CERS6: variants seen among roughly 807,000 people sequenced by gnomAD.
The protein encoded by CERS6 is ceramide synthase 6.
Under a neutral mutation model 56.8 loss-of-function variants are expected in CERS6, and 26 were observed. That is an observed-to-expected ratio of 0.46 (90% CI 0.34 to 0.63). CERS6 has a LOEUF of 0.63. Among genes scored for constraint, CERS6 ranks in the 30% least tolerant of loss-of-function variants. The pLI is 0.01. For missense variants in CERS6, 415 were observed against 467.5 expected, an observed-to-expected ratio of 0.89 and a Z score of 1.04; for synonymous variants, 164 against 173.3, an observed-to-expected ratio of 0.95 and a Z score of 0.42.
At chr2:168,631,544 T>TA (rs1559028139) in intron 4 of CERS6, among the ~76,000 whole-genome samples, 4,925 of 59,684 alleles carry the variant, frequency 0.083, 1,579 homozygotes, top group Admixed American at 0.17. Flanking sequence ...ATTAAATATA[T>TA]TATATTTTTA....
chr2:168,747,259 C>G (rs887602969), intron 8 of CERS6, among the ~76,000 whole-genome samples: 1 of 151,598 alleles, frequency 6.6e-6, no homozygotes, highest in Admixed American at 6.6e-5. Flanking sequence ...GCACTCCATC[C>G]TGGGCAATGG....
intron 6 of CERS6, among the ~76,000 whole-genome samples, chr2:168,712,131 A>G (rs780069536): frequency 1.1e-4 from 17 of 152,220 alleles, no homozygotes; most frequent in Non-Finnish European, 2.5e-4. Flanking sequence ...AGGGTTACAG[A>G]GGAAAAGTAC....
intron 1 of CERS6, among the ~76,000 whole-genome samples, chr2:168,465,507 G>C (rs553235353): frequency 6.6e-6 from 1 of 152,198 alleles, no homozygotes; most frequent in South Asian, 2.1e-4. Context: ...GTGAATTTTG[G>C]GGGGACACAA....
intron 1 of CERS6, among the ~76,000 whole-genome samples, chr2:168,524,742 C>T (rs868358493): frequency 1.3e-5 from 2 of 151,818 alleles, no homozygotes; most frequent in African/African-American, 2.4e-5. Context: ...TTAGTAAATA[C>T]GGGGTTTTAT....
In CERS6 at chr2:168,773,716, G is replaced by T. The variant is rs1010405609; in HGVS notation, c.*4054G>T. The T allele has an allele frequency of 6.6e-6, 1 of 152,256 alleles. No individual in the cohort carries two copies. Among genetic ancestry groups the T allele is most frequent in the Non-Finnish European group, 1.5e-5 (1 of 68,052 alleles). The allele number at this position is 152,256 out of a possible 1,614,324, so 9.4% of individuals were successfully genotyped here. ...GAAGATATTGCAGTCCCCAGAGCCA[G>T]TGAAGGTTTCTTTTGGTAAAATGAA... On this transcript the variant is annotated 3_prime_UTR_variant, in exon 10 of 10. Coordinates refer to ENST00000305747, the MANE Select transcript of CERS6 (RefSeq NM_203463.3).
chr2:168,748,270 A>G (rs1684167211), intron 8 of CERS6, among the ~76,000 whole-genome samples: 1 of 152,188 alleles, frequency 6.6e-6, no homozygotes, highest in Non-Finnish European at 1.5e-5. Context: ...TAACCATTTT[A>G]TTTATGATCA....
intron 1 of CERS6, among the ~76,000 whole-genome samples, chr2:168,485,540 C>CT (rs1327248544): frequency 1.3e-5 from 2 of 152,084 alleles, no homozygotes; most frequent in South Asian, 2.1e-4. Context: ...AACTACTGAT[C>CT]TTTTTACCAT....
chr2:168,545,472 C>T (rs1695449052), intron 1 of CERS6, among the ~76,000 whole-genome samples: 1 of 151,342 alleles, frequency 6.6e-6, no homozygotes, highest in East Asian at 1.9e-4. Flanking sequence ...GAGATGTATA[C>T]ATTATGTTGT....
chr2:168,623,126 C>G (rs942829632), intron 3 of CERS6, among the ~76,000 whole-genome samples: 3 of 152,146 alleles, frequency 2.0e-5, no homozygotes, highest in Non-Finnish European at 4.4e-5. Flanking sequence ...AATCATGTGA[C>G]AACTTTTTAA....
intron 1 of CERS6, among the ~76,000 whole-genome samples, chr2:168,533,450 T>C (rs1057395891): frequency 6.6e-6 from 1 of 152,258 alleles, no homozygotes; most frequent in African/African-American, 2.4e-5. Flanking sequence ...TTCTCTTGCC[T>C]AATTGCCATG....
intron 3 of CERS6, among the ~76,000 whole-genome samples, chr2:168,607,280 G>A (rs181080102): frequency 7.2e-5 from 11 of 152,122 alleles, no homozygotes; most frequent in Admixed American, 6.5e-4. Context: ...GAATAATGTT[G>A]CAACATCTTT....
intron 3 of CERS6, among the ~76,000 whole-genome samples, chr2:168,577,911 C>T (rs368351039): frequency 4.6e-5 from 7 of 151,986 alleles, no homozygotes; most frequent in Non-Finnish European, 7.4e-5. Flanking sequence ...ATAGTGAGGG[C>T]GAGGGACACA....
chr2:168,761,393 A>G (rs1462575017), intron 8 of CERS6, among the ~76,000 whole-genome samples: 1 of 152,224 alleles, frequency 6.6e-6, no homozygotes, highest in Non-Finnish European at 1.5e-5. Flanking sequence ...CGGTAGCATC[A>G]GTCCTAGCAT....
intron 6 of CERS6, among the ~76,000 whole-genome samples, chr2:168,705,253 C>T (rs189423782): frequency 1.3e-5 from 2 of 152,168 alleles, no homozygotes; most frequent in East Asian, 3.9e-4. Context: ...GAAAGAAGAG[C>T]CTTTGGCACA....
intron 1 of CERS6, among the ~76,000 whole-genome samples, chr2:168,508,660 A>G (rs544096051): frequency 1.5e-4 from 22 of 150,986 alleles, no homozygotes; most frequent in African/African-American, 2.7e-4. Flanking sequence ...CAGCTGAACA[A>G]TGGGAACACA....
At chr2:168,605,709 C>T (rs1171870685) in intron 3 of CERS6, among the ~76,000 whole-genome samples, 1 of 152,164 alleles carries the variant, frequency 6.6e-6, no homozygotes, top group East Asian at 1.9e-4. Context: ...AGCCATGGCT[C>T]AAAGGGGCCC....
chr2:168,523,252 C>A (rs1042228461), intron 1 of CERS6, among the ~76,000 whole-genome samples: 1 of 152,090 alleles, frequency 6.6e-6, no homozygotes, highest in African/African-American at 2.4e-5. Context: ...TCTTTTACCG[C>A]AAGGAAGGAA....
intron 8 of CERS6, among the ~76,000 whole-genome samples, chr2:168,749,732 G>A (rs1326805625): frequency 2.6e-5 from 4 of 152,206 alleles, no homozygotes; most frequent in African/African-American, 9.6e-5. Context: ...AAACTCACCT[G>A]ATGCAGGGCA....
chr2:168,655,331 G>T (rs927552808), intron 4 of CERS6, among the ~76,000 whole-genome samples: 4 of 152,174 alleles, frequency 2.6e-5, no homozygotes, highest in African/African-American at 9.7e-5. Context: ...GTTTCCTAAA[G>T]AAAGTAAAAA....
Sources: allele counts gnomAD v4.1 joint callset (sites outside exome capture counted in the v4.1 genomes callset), GRCh38; gene constraint gnomAD v4.1.1; transcripts MANE v1.5; gene names NCBI Gene and HGNC (gene_info 2026-07-23, HGNC 2026-07-21).